Variants in CA10 observed in about 807,000 individuals in gnomAD.
CA10 encodes carbonic anhydrase 10 (inactive).
In CA10, 14 loss-of-function variants were observed where a neutral mutation model predicts 44.2. That is an observed-to-expected ratio of 0.32 (90% CI 0.21 to 0.50). The LOEUF (loss-of-function observed/expected upper bound fraction) is 0.50, where lower values mean the gene tolerates loss of function less well. Among genes scored for constraint, CA10 ranks in the 20% least tolerant of loss-of-function variants. The pLI, the probability that CA10 is intolerant of heterozygous loss-of-function variation, is 0.99. For synonymous variants in CA10, 159 were observed against 141.6 expected, an observed-to-expected ratio of 1.12 and a Z score of -0.87; for missense variants, 350 against 409.7, an observed-to-expected ratio of 0.85 and a Z score of 1.26.
intron 2 of CA10, among the ~76,000 whole-genome samples, chr17:52,035,713 G>A (rs190491636): frequency 1.7e-4 from 26 of 152,296 alleles, no homozygotes; most frequent in East Asian, 5.8e-4. Context: ...TGCTGGTGCC[G>A]ATGTGTCTAG....
chr17:51,842,631 G>A (rs1351190736), intron 3 of CA10, among the ~76,000 whole-genome samples: 1 of 152,088 alleles, frequency 6.6e-6, no homozygotes, highest in African/African-American at 2.4e-5. Context: ...GGCATCGTTG[G>A]CATGAAACTC....
At chr17:52,002,955 A>T (rs1392969590) in intron 2 of CA10, among the ~76,000 whole-genome samples, 2 of 151,970 alleles carry the variant, frequency 1.3e-5, no homozygotes, top group Non-Finnish European at 2.9e-5. Flanking sequence ...ACCTCTTTCC[A>T]TTATACAATC....
At chr17:51,708,763 G>A (rs1915839053) in intron 4 of CA10, among the ~76,000 whole-genome samples, 1 of 152,200 alleles carries the variant, frequency 6.6e-6, no homozygotes, top group Non-Finnish European at 1.5e-5. Flanking sequence ...TAGACTTGCT[G>A]AGTCTTCCGA....
intron 3 of CA10, among the ~76,000 whole-genome samples, chr17:51,869,035 C>G (rs1267155758): frequency 6.6e-6 from 1 of 151,886 alleles, no homozygotes; most frequent in African/African-American, 2.4e-5. Flanking sequence ...TTATACACCT[C>G]TAAAGCCGTT....
chr17:51,767,830 A>C (rs1451853218), intron 3 of CA10, among the ~76,000 whole-genome samples: 1 of 151,600 alleles, frequency 6.6e-6, no homozygotes, highest in Non-Finnish European at 1.5e-5. Flanking sequence ...CAAATCTCTC[A>C]CATGCTTAGT....
intron 2 of CA10, among the ~76,000 whole-genome samples, chr17:52,016,140 G>T (rs1380325426): frequency 6.6e-6 from 1 of 152,048 alleles, no homozygotes; most frequent in Non-Finnish European, 1.5e-5. Flanking sequence ...TGACAGGCTG[G>T]GGCTTTCAGA....
chr17:51,805,559 TC>T (rs1907096866), intron 3 of CA10, among the ~76,000 whole-genome samples: 1 of 152,186 alleles, frequency 6.6e-6, no homozygotes, highest in Non-Finnish European at 1.5e-5. Flanking sequence ...GGGAATGAGG[TC>T]CAAGTTCTAG....
intron 3 of CA10, among the ~76,000 whole-genome samples, chr17:51,768,240 A>G (rs766376876): frequency 2.6e-5 from 4 of 151,044 alleles, no homozygotes; most frequent in Non-Finnish European, 4.4e-5. Context: ...ATGGCACACG[A>G]CACTTTCATT....
intron 2 of CA10, among the ~76,000 whole-genome samples, chr17:51,943,006 C>T (rs1983142591): frequency 6.6e-6 from 1 of 152,070 alleles, no homozygotes; most frequent in African/African-American, 2.4e-5. Flanking sequence ...TCTCTCCCGT[C>T]CTTGTCATAC....
intron 2 of CA10, among the ~76,000 whole-genome samples, chr17:51,938,042 T>C (rs1377192826): frequency 6.6e-6 from 1 of 152,106 alleles, no homozygotes; most frequent in Admixed American, 6.6e-5. Context: ...ACTTCTCCAA[T>C]ATTTCTCCCA....
At chr17:51,856,646 A>G (rs552713368) in intron 3 of CA10, among the ~76,000 whole-genome samples, 213 of 152,332 alleles carry the variant, frequency 1.4e-3, no homozygotes, top group Non-Finnish European at 2.5e-3. Context: ...ATATGCCACA[A>G]TTCCCATTTC....
At chr17:51,756,178 A>G (rs1052657607) in intron 3 of CA10, among the ~76,000 whole-genome samples, 12 of 152,280 alleles carry the variant, frequency 7.9e-5, no homozygotes, top group South Asian at 2.1e-4. Flanking sequence ...CACAACATCC[A>G]CAACAGCGGC....
chr17:51,859,095 T>C (rs1979185932), intron 3 of CA10, among the ~76,000 whole-genome samples: 1 of 152,164 alleles, frequency 6.6e-6, no homozygotes, highest in African/African-American at 2.4e-5. Flanking sequence ...TAGTTAATTA[T>C]AATTAGTTAA....
chr17:52,153,913 A>T (rs761702685), intron 1 of CA10, among the ~76,000 whole-genome samples: 1 of 152,218 alleles, frequency 6.6e-6, no homozygotes, highest in Non-Finnish European at 1.5e-5. Flanking sequence ...TTTTCTACAC[A>T]TAAGGAAACT....
chr17:51,933,260 G>T (rs1982735402), intron 2 of CA10, among the ~76,000 whole-genome samples: 1 of 152,160 alleles, frequency 6.6e-6, no homozygotes, highest in Non-Finnish European at 1.5e-5. Context: ...GGGATGGAGA[G>T]ATTATCTAGG....
chr17:51,812,860 A>C (rs780152383), intron 3 of CA10, among the ~76,000 whole-genome samples: 6 of 152,184 alleles, frequency 3.9e-5, no homozygotes, highest in Non-Finnish European at 8.8e-5. Context: ...CTCTTGGAGT[A>C]CTGATGAGAG....
At chr17:52,128,659 AT>A (rs2143340319) in intron 1 of CA10, among the ~76,000 whole-genome samples, 1 of 152,326 alleles carries the variant, frequency 6.6e-6, no homozygotes, top group South Asian at 2.1e-4. Flanking sequence ...GTTAATTAGA[AT>A]TAATTTGCCT....
intron 1 of CA10, among the ~76,000 whole-genome samples, chr17:52,088,325 A>C (rs1281897947): frequency 6.6e-6 from 1 of 152,250 alleles, no homozygotes; most frequent in Non-Finnish European, 1.5e-5. Flanking sequence ...AGTAGTCAGC[A>C]AACTCCAAAG....
chr17:51,932,376 T>C (rs1406099877), intron 2 of CA10, among the ~76,000 whole-genome samples: 1 of 152,150 alleles, frequency 6.6e-6, no homozygotes, highest in Non-Finnish European at 1.5e-5. Context: ...ATAGCATAGA[T>C]GGAGAAAACT....
Sources: allele counts gnomAD v4.1 joint callset (sites outside exome capture counted in the v4.1 genomes callset), GRCh38; gene constraint gnomAD v4.1.1; transcripts MANE v1.5; gene names NCBI Gene and HGNC (gene_info 2026-07-23, HGNC 2026-07-21).